The following TBC1D19 variants were observed in gnomAD, a reference collection of about 807,000 sequenced individuals.
The protein encoded by TBC1D19 is TBC1 domain family, member 19.
In TBC1D19, 60 loss-of-function variants were observed where a neutral mutation model predicts 89.0. The ratio of observed to expected loss-of-function variants is 0.67; its 90% CI spans 0.55 to 0.84. The LOEUF is 0.84. Ranked by LOEUF, TBC1D19 falls within the 40% of genes least tolerant of loss-of-function variation. The pLI is 0.00. For missense variants in TBC1D19, 500 were observed against 610.8 expected, an observed-to-expected ratio of 0.82 and a Z score of 1.91; for synonymous variants, 189 against 199.7, an observed-to-expected ratio of 0.95 and a Z score of 0.45.
At chr4:26,792,451 A>T in the TBC1D19 span, among the ~76,000 whole-genome samples, 1 of 152,192 alleles carries the variant, frequency 6.6e-6, no homozygotes, top group African/African-American at 2.4e-5. Flanking sequence ...TGGCAAATTT[A>T]GACACCACTT....
the TBC1D19 span, among the ~76,000 whole-genome samples, chr4:26,774,773 T>A: frequency 6.6e-6 from 1 of 152,204 alleles, no homozygotes; most frequent in Non-Finnish European, 1.5e-5. Context: ...CTTTCCCATA[T>A]CAATATCTTT....
At chr4:26,842,582 C>CCCTCCCTT in the TBC1D19 span, among the ~76,000 whole-genome samples, 6 of 95,392 alleles carry the variant, frequency 6.3e-5, no homozygotes, top group Non-Finnish European at 8.6e-5. Flanking sequence ...CTTCCTCCCT[C>CCCTCCCTT]CCTTTCTTTC....
intron 15 of TBC1D19, among the ~76,000 whole-genome samples, chr4:26,723,899 A>C (rs1336195460): frequency 2.0e-5 from 3 of 152,236 alleles, no homozygotes; most frequent in Non-Finnish European, 4.4e-5. Context: ...GGATGAATGA[A>C]TGAAAGTAAT....
rs936683714 is a variant in TBC1D19 at position 26,755,134 on chromosome 4, G to A, written c.*187G>A. On this transcript the variant is annotated 3_prime_UTR_variant, in exon 21 of 21. Coordinates refer to ENST00000264866, the MANE Select transcript of TBC1D19 (RefSeq NM_018317.4). ...ATAACTCTGCACCAAATATTGCATC[G>A]CATGCTGCTGATTTTCAAGAGAGAA... 9.2e-6 allele frequency: 3 copies of A among 324,900 alleles called. No individual in the cohort carries two copies. The highest frequency in any genetic ancestry group is 5.0e-5 in the Admixed American group (1 of 20,152). The allele number at this position is 324,900 out of a possible 1,614,324, so 20.1% of individuals were successfully genotyped here.
At chr4:26,709,944 G>A (rs1716032827) in intron 13 of TBC1D19, among the ~76,000 whole-genome samples, 2 of 151,950 alleles carry the variant, frequency 1.3e-5, no homozygotes, top group African/African-American at 4.8e-5. Flanking sequence ...CAGCTATCAG[G>A]ACCCCAAGCC....
At chr4:26,684,654 A>G (rs1713652522) in intron 12 of TBC1D19, among the ~76,000 whole-genome samples, 3 of 152,210 alleles carry the variant, frequency 2.0e-5, no homozygotes, top group Admixed American at 1.3e-4. Context: ...AATTAATATT[A>G]GGCAGTTTAA....
intron 11 of TBC1D19, 134 bp downstream of exon 11, chr4:26,674,022 A>G (rs569998072): frequency 5.3e-5 from 28 of 525,988 alleles, no homozygotes; most frequent in African/African-American, 3.7e-4. Flanking sequence ...CAAAATCACT[A>G]TAGTTTTAGG....
intron 13 of TBC1D19, among the ~76,000 whole-genome samples, chr4:26,699,608 C>A (rs946874264): frequency 2.0e-5 from 3 of 152,128 alleles, no homozygotes; most frequent in Non-Finnish European, 4.4e-5. Flanking sequence ...GACTTGCAAC[C>A]AACCCAAATG....
chr4:26,788,634 C>A, the TBC1D19 span, among the ~76,000 whole-genome samples: 1 of 152,136 alleles, frequency 6.6e-6, no homozygotes, highest in African/African-American at 2.4e-5. Flanking sequence ...AGAGAACCTA[C>A]AATAAGCAAT....
the TBC1D19 span, among the ~76,000 whole-genome samples, chr4:26,780,584 A>G: frequency 6.6e-6 from 1 of 152,182 alleles, no homozygotes; most frequent in South Asian, 2.1e-4. Context: ...ACTGCCCAAG[A>G]CCAGTGTCCC....
At chr4:26,775,800 T>C in the TBC1D19 span, among the ~76,000 whole-genome samples, 2 of 152,066 alleles carry the variant, frequency 1.3e-5, no homozygotes, top group African/African-American at 4.8e-5. Flanking sequence ...GGCTTTCCCT[T>C]TATTTGTCAG....
intron 13 of TBC1D19, among the ~76,000 whole-genome samples, chr4:26,697,387 A>G (rs1714896055): frequency 6.6e-6 from 1 of 152,188 alleles, no homozygotes; most frequent in Non-Finnish European, 1.5e-5. Context: ...ACCAACCAAA[A>G]GAAGTCCAGG....
chr4:26,831,865 A>T, the TBC1D19 span, among the ~76,000 whole-genome samples: 1 of 152,200 alleles, frequency 6.6e-6, no homozygotes. Context: ...TGCTGGGATT[A>T]CAGGCTTGAG....
chr4:26,644,659 A>G (rs528185912), intron 7 of TBC1D19, among the ~76,000 whole-genome samples: 6 of 152,352 alleles, frequency 3.9e-5, no homozygotes, highest in South Asian at 2.1e-4. Flanking sequence ...ACATGATTGT[A>G]TATTTAGAAG....
chr4:26,811,068 C>A, the TBC1D19 span, among the ~76,000 whole-genome samples: 1 of 152,182 alleles, frequency 6.6e-6, no homozygotes, highest in Non-Finnish European at 1.5e-5. Flanking sequence ...ACGTTTATTG[C>A]AGCACTATTT....
the TBC1D19 span, among the ~76,000 whole-genome samples, chr4:26,809,757 A>C: frequency 6.6e-6 from 1 of 152,160 alleles, no homozygotes; most frequent in Non-Finnish European, 1.5e-5. Context: ...GGGGCCTAGA[A>C]GGATTAGCTC....
At chr4:26,794,699 TACAA>T in the TBC1D19 span, among the ~76,000 whole-genome samples, 1 of 152,248 alleles carries the variant, frequency 6.6e-6, no homozygotes, top group African/African-American at 2.4e-5. Flanking sequence ...TTTTAACTTT[TACAA>T]ACAGATAGTT....
At chr4:26,630,779 T>C (rs1290800633) in intron 4 of TBC1D19, among the ~76,000 whole-genome samples, 7 of 151,692 alleles carry the variant, frequency 4.6e-5, no homozygotes, top group Non-Finnish European at 1.0e-4. Flanking sequence ...CCTTACTACA[T>C]TTACTCACTG....
chr4:26,710,892 A>G (rs1360750106), intron 13 of TBC1D19, among the ~76,000 whole-genome samples: 1 of 151,802 alleles, frequency 6.6e-6, no homozygotes, highest in Non-Finnish European at 1.5e-5. Context: ...TTTTTCTTGT[A>G]AGTTTGTTTG....
Sources: gnomAD v4.1 joint callset for allele counts (sites outside exome capture counted in the v4.1 genomes callset) on GRCh38, gnomAD v4.1.1 for gene constraint, MANE v1.5 for transcripts, NCBI Gene and HGNC (gene_info 2026-07-23, HGNC 2026-07-21) for gene names.